SYNM: variants seen among roughly 807,000 people sequenced by gnomAD.
The protein encoded by SYNM is desmuslin.
In SYNM, 95 loss-of-function variants were observed where a neutral mutation model predicts 104.0. That is an observed-to-expected ratio of 0.91 (90% CI 0.77 to 1.08). The LOEUF is 1.08. Among genes scored for constraint, SYNM ranks in the 50% least tolerant of loss-of-function variants. SYNM has a pLI of 0.00. For missense variants in SYNM, 2,150 were observed against 2,052.2 expected (o/e 1.05, Z -0.92); for synonymous variants, 918 against 869.0 (o/e 1.06, Z -0.99).
At chr15:99,111,364 T>C (rs1180361048) in intron 1 of SYNM, among the ~76,000 whole-genome samples, 2 of 152,250 alleles carry the variant, frequency 1.3e-5, no homozygotes, top group African/African-American at 2.4e-5. Context: ...CATGCATACC[T>C]ACAGCCCATC....
At position 99,129,899 on chromosome 15, in the gene SYNM, A is replaced by G. The variant is rs782296706; in HGVS notation, c.1539A>G (p.Pro513=). The G allele has an allele frequency of 3.1e-6, 5 of 1,613,052 alleles. No individual in the cohort carries two copies. The highest frequency in any genetic ancestry group is 2.2e-5 in the East Asian group (1 of 44,860). The change falls in exon 4 of 4, where the codon CCA becomes CCG. Residue 513 remains proline, a synonymous_variant. Coordinates refer to ENST00000336292, the MANE Select transcript of SYNM (RefSeq NM_145728.3). ...KATREQERNR[P]ETIRTKPEEK... Reference sequence around the variant, plus strand: ...CGAGGGAGCAAGAAAGAAACAGACCAGAAACCATCCGAACAAAGCCAGAAG... The same window carrying G: ...CGAGGGAGCAAGAAAGAAACAGACCGGAAACCATCCGAACAAAGCCAGAAG...
chr15:99,125,193 C>T (rs1364271947), intron 2 of SYNM, among the ~76,000 whole-genome samples: 4 of 152,212 alleles, frequency 2.6e-5, no homozygotes, highest in African/African-American at 7.2e-5. Flanking sequence ...TTTCTCCCCA[C>T]GCCCTGCCCT....
At position 99,105,724 on chromosome 15, in the gene SYNM, G is replaced by A. The variant is rs1211258157; in HGVS notation, c.525G>A (p.Ala175=). ...HFRARATGPA[A]PPPRLREVHD... ...GCGCCCGCGCCACCGGCCCCGCCGC[G>A]CCGCCGCCACGCCTGCGGGAGGTGC... The change falls in exon 1 of 4, where the codon GCG becomes GCA. Residue 175 remains alanine (A), a synonymous_variant. Transcript: ENST00000336292. 6.7e-7 allele frequency: 1 copy of A among 1,499,624 alleles called. No homozygotes were observed. The highest frequency in any genetic ancestry group is 2.2e-5 in the Admixed American group (1 of 45,496). 92.9% of individuals were successfully genotyped at this position (1,499,624 alleles called of 1,614,324 possible).
At position 99,105,788 on chromosome 15, in the gene SYNM, G is replaced by A. The variant is rs2151796190; in HGVS notation, c.589G>A (p.Glu197Lys). 6.5e-7 allele frequency: 1 copy of A among 1,541,624 alleles called. No individual in the cohort carries two copies. Among genetic ancestry groups the A allele is most frequent in the Non-Finnish European group, 8.7e-7 (1 of 1,144,922 alleles). ...ACTGCTGGTGGCCGAGTCGTGGCGG[G>A]AGACGGTGCAGCTGTACGAGGACGA... ...YALLVAESWR[E>K]TVQLYEDEVR... Residue 197 changes from glutamate (E) to lysine (K), a missense_variant, in exon 1 of 4, where the codon GAG becomes AAG. Glu to Lys is a moderately conservative substitution (Grantham distance 56). Coordinates refer to ENST00000336292, the MANE Select transcript of SYNM (RefSeq NM_145728.3).
rs556286004 is a variant in SYNM at position 99,131,776 on chromosome 15, G to A, written c.3416G>A (p.Arg1139Gln). The A allele has an allele frequency of 2.4e-5, 39 of 1,614,004 alleles. No homozygotes were observed. Among genetic ancestry groups the A allele is most frequent in the Non-Finnish European group, 3.1e-5 (36 of 1,179,908 alleles). ...CCCTCTGAAGTCTGGAGGACTGAGC[G>A]AATGTCATATGAAGGACCCACTGCA... The part of the protein sequence containing the change: ...LGPSEVWRTE[R>Q]MSYEGPTAEV... Residue 1139 changes from arginine (R) to glutamine (Q), a missense_variant, in exon 4 of 4, where the codon CGA (arginine) becomes CAA (glutamine). By Grantham distance (43) the Arg-to-Gln change is conservative. Coordinates refer to ENST00000336292, the MANE Select transcript of SYNM (RefSeq NM_145728.3). The surrounding 1 kb of genome is among the most constrained non-coding windows in gnomAD (Gnocchi z 4.3).
intron 1 of SYNM, 50 bp downstream of exon 1, chr15:99,106,059 C>G (rs2151796620): frequency 2.9e-6 from 4 of 1,376,360 alleles, no homozygotes; most frequent in Non-Finnish European, 3.7e-6. Flanking sequence ...GCCGTCGCCC[C>G]AGCACCCTGC....
rs2067494177 is a variant in SYNM at position 99,130,759 on chromosome 15, A to G, written c.2399A>G (p.Asn800Ser). 6.2e-7 allele frequency: 1 copy of G among 1,614,002 alleles called. No individual in the cohort carries two copies. The change falls in exon 4 of 4, where the codon AAT (asparagine) becomes AGT (serine). Residue 800 changes from asparagine (N) to serine (S), a missense_variant. Physicochemically the swap from Asn to Ser is conservative, Grantham distance 46 (BLOSUM62 1). Coordinates refer to ENST00000336292, the MANE Select transcript of SYNM (RefSeq NM_145728.3). ...GAAAGCGATGTCACATTCTCAGTTA[A>G]TCAGCATCGAAGGACCAAGCAGCCT... ...YGESDVTFSV[N>S]QHRRTKQPQE...
downstream of SYNM, chr15:99,140,128 C>T (rs113027078): frequency 7.7e-4 from 138 of 180,122 alleles, 2 homozygotes; most frequent in African/African-American, 3.2e-3. Context: ...CCGGGGTAGA[C>T]AAAAAGACCA....
chr15:99,118,667 CAG>C (rs1265898036), intron 2 of SYNM, among the ~76,000 whole-genome samples: 2 of 151,994 alleles, frequency 1.3e-5, no homozygotes, highest in African/African-American at 4.8e-5. Context: ...TTGTAATTTC[CAG>C]AGAGACTTGC....
chr15:99,131,536 C>T lies in SYNM; in HGVS notation c.3176C>T (p.Pro1059Leu), dbSNP rs5030697. 25,652 of 1,607,896 alleles carry T rather than the reference C, an allele frequency of 0.016. 430 individuals are homozygous for T. Among genetic ancestry groups the T allele is most frequent in the South Asian group, 0.062 (5,678 of 90,886 alleles). The change falls in exon 4 of 4, where the codon CCG becomes CTG. Residue 1059 changes from proline (P) to leucine (L), a missense_variant. Coordinates refer to ENST00000336292, the MANE Select transcript of SYNM (RefSeq NM_145728.3). This position sits in a 1 kb window ranked among gnomAD's most constrained non-coding sequence, Gnocchi z 4.3. Reference sequence around the variant, plus strand: ...GATGAGGAAGGTGGAGCGGAGGCCCCGGCTGCTGGCATTCGCTTTAGGCGT... The same window carrying T: ...GATGAGGAAGGTGGAGCGGAGGCCCTGGCTGCTGGCATTCGCTTTAGGCGT... Reference protein sequence around the residue: ...SPDEEGGAEAPAAGIRFRRWA... With the variant: ...SPDEEGGAEALAAGIRFRRWA...
intron 2 of SYNM, among the ~76,000 whole-genome samples, chr15:99,116,019 G>A (rs1331498486): frequency 6.6e-6 from 1 of 152,266 alleles, no homozygotes; most frequent in South Asian, 2.1e-4. Flanking sequence ...GCCTTCCCAG[G>A]GACATGGAGT....
intron 1 of SYNM, among the ~76,000 whole-genome samples, chr15:99,112,563 G>C (rs2067308307): frequency 6.6e-6 from 1 of 152,178 alleles, no homozygotes; most frequent in South Asian, 2.1e-4. Flanking sequence ...ACTGGTCTAG[G>C]TCTGGGATTC....
At chr15:99,126,699 A>G (rs868974945) in intron 2 of SYNM, 23 bp from the exon 3 acceptor site, 2 of 1,559,416 alleles carry the variant, frequency 1.3e-6, no homozygotes, top group Middle Eastern at 1.7e-4. Context: ...CTAATGAATT[A>G]TGTTTGTAAA....
chr15:99,113,917 G>A, intron 2 of SYNM, among the ~76,000 whole-genome samples: 1 of 152,206 alleles, frequency 6.6e-6, no homozygotes, highest in Non-Finnish European at 1.5e-5. Context: ...CACTGAGCAG[G>A]TGTCTCCAGC....
downstream of SYNM, chr15:99,140,120 G>A (rs1333767276): frequency 2.7e-5 from 5 of 181,940 alleles, no homozygotes; most frequent in East Asian, 1.4e-4. Flanking sequence ...TTTGTCACCC[G>A]GGGTAGACAA....
rs573334238 is a variant in SYNM at position 99,135,349 on chromosome 15, G to A, written c.*2291G>A. On this transcript the variant is annotated 3_prime_UTR_variant, in exon 4 of 4. Transcript: ENST00000336292. Reference sequence around the variant, plus strand: ...TTAAAATCAGTCACTCTGCACACAAGAGAAATCAACTTCGTGGTTGGATGG... The same window carrying A: ...TTAAAATCAGTCACTCTGCACACAAAAGAAATCAACTTCGTGGTTGGATGG... 6.6e-6 allele frequency: 1 copy of A among 152,592 alleles called. No homozygotes were observed. The highest frequency in any genetic ancestry group is 1.5e-5 in the Non-Finnish European group (1 of 68,028). The allele number at this position is 152,592 out of a possible 1,614,324, so 9.5% of individuals were successfully genotyped here. A position where few individuals can be genotyped will look rare whatever the true frequency, so the allele number is the denominator to read the frequency against.
chr15:99,128,806 T>C (rs1555485311), intron 3 of SYNM: 1 of 155,264 alleles, frequency 6.4e-6, no homozygotes, highest in Non-Finnish European at 1.4e-5. Context: ...AGATAAGTGT[T>C]AAATGTAAAA....
In SYNM at chr15:99,113,597, A is replaced by G; in HGVS notation, c.817A>G (p.Ile273Val). The G allele has an allele frequency of 1.2e-6, 2 of 1,613,322 alleles. No individual in the cohort carries two copies. Among genetic ancestry groups the G allele is most frequent in the Non-Finnish European group, 1.7e-6 (2 of 1,179,610 alleles). ...GIQAEERQRV[I>V]DCLEDEKATL... ...GTCTGTCTATTCTCTTTAGAGAGTGATTGACTGCCTGGAGGATGAGAAGGC... is the reference window on the plus strand; with the variant it reads ...GTCTGTCTATTCTCTTTAGAGAGTGGTTGACTGCCTGGAGGATGAGAAGGC... Residue 273 changes from isoleucine (I) to valine (V), a missense_variant, in exon 2 of 4, where the codon ATT (isoleucine) becomes GTT (valine). Transcript: ENST00000336292.
chr15:99,138,150 G>T (rs1211316219), downstream of SYNM: 3 of 1,610,636 alleles, frequency 1.9e-6, no homozygotes, highest in African/African-American at 4.0e-5. Context: ...AGAGGGTGGG[G>T]TGAGTGTGGT....
Sources: allele counts gnomAD v4.1 joint callset (sites outside exome capture counted in the v4.1 genomes callset), GRCh38; gene constraint gnomAD v4.1.1; non-coding constraint Gnocchi (gnomAD v3.1); transcripts MANE v1.5; gene names NCBI Gene and HGNC (gene_info 2026-07-23, HGNC 2026-07-21).